Variants in ZNF362 observed in about 807,000 individuals in gnomAD.
ZNF362 encodes zinc finger protein 362, also known as rotund homolog.
In ZNF362, 11 loss-of-function variants were observed where a neutral mutation model predicts 42.9. That is an observed-to-expected ratio of 0.26 (90% confidence interval 0.16 to 0.42). The LOEUF (loss-of-function observed/expected upper bound fraction) is 0.42, where lower values mean the gene tolerates loss of function less well. Ranked by LOEUF, ZNF362 falls within the 20% of genes least tolerant of loss-of-function variation. The pLI is 1.00. For synonymous variants in ZNF362, 255 were observed against 257.3 expected (o/e 0.99, Z 0.09); for missense variants, 362 against 576.2 (o/e 0.63, Z 3.81).
the ZNF362 span, chr1:33,163,493 T>G: frequency 6.6e-6 from 1 of 152,212 alleles, no homozygotes; most frequent in Non-Finnish European, 1.5e-5. Context: ...AGAGAAAAGT[T>G]CTGCTCAACT....
chr1:33,187,115 C>T, the ZNF362 span, among the ~76,000 whole-genome samples: 1 of 152,108 alleles, frequency 6.6e-6, no homozygotes, highest in Non-Finnish European at 1.5e-5. Flanking sequence ...TCAGAAGCAT[C>T]CCACCCAAAG....
the ZNF362 span, among the ~76,000 whole-genome samples, chr1:33,228,487 C>G: frequency 6.6e-6 from 1 of 152,150 alleles, no homozygotes. Context: ...ATATCCAACA[C>G]CAAACTCTGG....
chr1:33,127,941 G>A, the ZNF362 span, among the ~76,000 whole-genome samples: 5 of 152,134 alleles, frequency 3.3e-5, no homozygotes, highest in African/African-American at 1.2e-4. Context: ...CACTGCCTGT[G>A]TTGGAATCCT....
the ZNF362 span, among the ~76,000 whole-genome samples, chr1:33,228,916 T>A: frequency 6.6e-6 from 1 of 152,310 alleles, no homozygotes; most frequent in African/African-American, 2.4e-5. Flanking sequence ...CTTCATCTCC[T>A]ACTGCTTGTT....
chr1:33,218,986 C>CACACACATACATA, the ZNF362 span, among the ~76,000 whole-genome samples: 1 of 146,372 alleles, frequency 6.8e-6, no homozygotes, highest in Admixed American at 6.8e-5. Flanking sequence ...CACACATACA[C>CACACACATACATA]CACCCCCTGC....
intron 1 of ZNF362, among the ~76,000 whole-genome samples, chr1:33,265,328 G>A (rs1248355731): frequency 6.6e-6 from 1 of 151,852 alleles, no homozygotes; most frequent in African/African-American, 2.4e-5. Flanking sequence ...GTGTTGGGGA[G>A]GGGGAGGGAC....
At chr1:33,181,486 A>C in the ZNF362 span, 4 of 1,518,864 alleles carry the variant, frequency 2.6e-6, no homozygotes, top group South Asian at 3.7e-5. The surrounding 1 kb of genome is among the most constrained non-coding windows in gnomAD (Gnocchi z 6.5). Context: ...CGGCTGAGAG[A>C]GCGCGGCGCT....
At chr1:33,287,206 G>T (rs72658203) in intron 6 of ZNF362, among the ~76,000 whole-genome samples, 1 of 152,156 alleles carries the variant, frequency 6.6e-6, no homozygotes, top group Admixed American at 6.5e-5. Context: ...GCATTGTCTC[G>T]TGCAGTTAGT....
At chr1:33,275,430 A>G in intron 2 of ZNF362, 2 of 962,380 alleles carry the variant, frequency 2.1e-6, no homozygotes, top group Non-Finnish European at 2.5e-6. Context: ...CAGCATTCTC[A>G]TCCACGTCGT....
chr1:33,127,854 C>G, the ZNF362 span, among the ~76,000 whole-genome samples: 198 of 152,218 alleles, frequency 1.3e-3, no homozygotes, highest in African/African-American at 4.6e-3. Context: ...AGGCCCTGCT[C>G]TCGCCTTCAC....
At chr1:33,129,472 T>A in the ZNF362 span, among the ~76,000 whole-genome samples, 7 of 152,230 alleles carry the variant, frequency 4.6e-5, no homozygotes, top group Non-Finnish European at 1.0e-4. This position sits in a 1 kb window ranked among gnomAD's most constrained non-coding sequence, Gnocchi z 4.1. Context: ...AAATTCTACC[T>A]CATTTTAATG....
chr1:33,254,721 C>T (rs1433795186), upstream of ZNF362, among the ~76,000 whole-genome samples: 1 of 143,658 alleles, frequency 7.0e-6, no homozygotes, highest in African/African-American at 2.5e-5. Context: ...AAAGTTACTC[C>T]TTTCCTCTCC....
the ZNF362 span, among the ~76,000 whole-genome samples, chr1:33,212,609 G>A: frequency 6.6e-6 from 1 of 152,150 alleles, no homozygotes; most frequent in African/African-American, 2.4e-5. Context: ...AGAAGACAAA[G>A]GGGAAGCTGG....
At chr1:33,140,301 G>A in the ZNF362 span, among the ~76,000 whole-genome samples, 1 of 152,224 alleles carries the variant, frequency 6.6e-6, no homozygotes, top group Non-Finnish European at 1.5e-5. This position sits in a 1 kb window ranked among gnomAD's most constrained non-coding sequence, Gnocchi z 4.0. Flanking sequence ...GCCCCACCCT[G>A]GTGAGAGGCA....
At chr1:33,271,166 C>G (rs556525637) in intron 2 of ZNF362, among the ~76,000 whole-genome samples, 1 of 152,358 alleles carries the variant, frequency 6.6e-6, no homozygotes, top group African/African-American at 2.4e-5. Flanking sequence ...CAAGTCTAGC[C>G]TTCAGGCCTA....
the ZNF362 span, chr1:33,165,755 C>T: frequency 1.6e-3 from 667 of 429,470 alleles, 5 homozygotes; most frequent in East Asian, 0.019. The surrounding 1 kb of genome is among the most constrained non-coding windows in gnomAD (Gnocchi z 4.0). Context: ...AGAACCCGTC[C>T]GTATCTTTCA....
chr1:33,228,464 T>C, the ZNF362 span, among the ~76,000 whole-genome samples: 1 of 152,116 alleles, frequency 6.6e-6, no homozygotes, highest in African/African-American at 2.4e-5. Context: ...CTAAAAGGTA[T>C]CTCAAACTCA....
the ZNF362 span, chr1:33,166,119 C>T: frequency 6.6e-6 from 1 of 152,360 alleles, no homozygotes; most frequent in African/African-American, 2.4e-5. Flanking sequence ...TTGCCTGCTC[C>T]TTATGAGAAT....
At chr1:33,215,788 A>G in the ZNF362 span, among the ~76,000 whole-genome samples, 1 of 152,104 alleles carries the variant, frequency 6.6e-6, no homozygotes, top group East Asian at 1.9e-4. Context: ...TTGAGCACAC[A>G]TATATAGGAA....
Sources: gnomAD v4.1 joint callset for allele counts (sites outside exome capture counted in the v4.1 genomes callset) on GRCh38, gnomAD v4.1.1 for gene constraint, Gnocchi (gnomAD v3.1) non-coding constraint, MANE v1.5 for transcripts, NCBI Gene and HGNC (gene_info 2026-07-23, HGNC 2026-07-21) for gene names.